Variants in HIVEP2 observed in about 807,000 individuals in gnomAD.
The protein encoded by HIVEP2 is transcription factor HIVEP2.
Under a neutral mutation model 180.7 loss-of-function variants are expected in HIVEP2, and 14 were observed. The observed-to-expected ratio is 0.08, with a 90% CI of 0.05 to 0.12. The LOEUF (loss-of-function observed/expected upper bound fraction) is 0.12, where lower values mean the gene tolerates loss of function less well. Ranked by LOEUF, HIVEP2 falls within the 10% of genes least tolerant of loss-of-function variation. The probability of loss-of-function intolerance (pLI) is 1.00; values close to 1 mark genes in which losing one functional copy is unlikely to be tolerated. For synonymous variants in HIVEP2, 1,184 were observed against 1,136.4 expected (o/e 1.04, Z -0.84); for missense variants, 2,579 against 3,008.5 (o/e 0.86, Z 3.34).
Position 142,906,477 on chromosome 6 carries a change from T to C in HIVEP2, c.-641+38622A>G, listed in dbSNP as rs1777267323. On this transcript the variant is annotated intron_variant, in intron 1 of 9. Transcript: ENST00000367603. ...ACAAATAAAGAAACCTCTTTAATTA[T>C]TATTAAAATGCAAACCAAAACAACA... Among the ~76,000 whole-genome samples the C allele has an allele frequency of 2.0e-5, 3 of 151,984 alleles. No individual in the cohort carries two copies. In the South Asian group the frequency reaches 6.2e-4, roughly 32 times the overall value.
chr6:142,863,088 A>C (rs1187968257), intron 1 of HIVEP2, among the ~76,000 whole-genome samples: 3 of 144,688 alleles, frequency 2.1e-5, no homozygotes, highest in African/African-American at 7.6e-5. Flanking sequence ...TGTAATATAT[A>C]ATTACATATA....
At chr6:142,904,838 A>G (rs1480892552) in intron 1 of HIVEP2, among the ~76,000 whole-genome samples, 2 of 152,138 alleles carry the variant, frequency 1.3e-5, no homozygotes, top group Non-Finnish European at 2.9e-5. Context: ...TACTTGTATC[A>G]GTTCAATTTG....
chr6:142,862,539 CAT>C (rs1171977287), intron 1 of HIVEP2, among the ~76,000 whole-genome samples: 1 of 144,090 alleles, frequency 6.9e-6, no homozygotes, highest in Admixed American at 7.0e-5. Context: ...TTATGTGTAT[CAT>C]ATATTTTATA....
chr6:142,822,407 A>G (rs763466338), intron 2 of HIVEP2, among the ~76,000 whole-genome samples: 1 of 152,216 alleles, frequency 6.6e-6, no homozygotes, highest in African/African-American at 2.4e-5. Context: ...TCTAATATTC[A>G]CCATAATTCG....
At chr6:142,892,975 C>T (rs1411748411) in intron 1 of HIVEP2, among the ~76,000 whole-genome samples, 4 of 152,194 alleles carry the variant, frequency 2.6e-5, no homozygotes, top group East Asian at 1.9e-4. Context: ...AGTTACATGA[C>T]GGATGGGTGC....
At chr6:142,840,159 G>A (rs1305496954) in intron 1 of HIVEP2, among the ~76,000 whole-genome samples, 1 of 152,054 alleles carries the variant, frequency 6.6e-6, no homozygotes, top group Non-Finnish European at 1.5e-5. Context: ...GTGGAGAAGT[G>A]GCCAATTAAA....
chr6:142,789,522 G>C (rs1043018810), intron 2 of HIVEP2, among the ~76,000 whole-genome samples: 2 of 152,126 alleles, frequency 1.3e-5, no homozygotes, highest in African/African-American at 2.4e-5. Flanking sequence ...GCAGTGTTTA[G>C]GGCTATGGAA....
rs1161120524 is a variant in HIVEP2, at chr6:142,908,260, C to G, written c.-641+36839G>C. Among the ~76,000 whole-genome samples, 3 of 152,338 alleles carry G rather than the reference C, an allele frequency of 2.0e-5. No individual in the cohort carries two copies. In the East Asian group the frequency reaches 5.8e-4, roughly 29 times the overall value. Reference sequence around the variant, plus strand: ...CAGCCATATGTGGTGTTCCTACTTTCACTTGTAACATATGTCCATCTTCCA... The same window carrying G: ...CAGCCATATGTGGTGTTCCTACTTTGACTTGTAACATATGTCCATCTTCCA... On this transcript the variant is annotated intron_variant, in intron 1 of 9. Transcript: ENST00000367603.
At chr6:142,846,494 C>G (rs954311854) in intron 1 of HIVEP2, among the ~76,000 whole-genome samples, 1 of 152,168 alleles carries the variant, frequency 6.6e-6, no homozygotes, top group Non-Finnish European at 1.5e-5. Context: ...CATCATTGTT[C>G]CATTGCTACT....
intron 1 of HIVEP2, among the ~76,000 whole-genome samples, chr6:142,866,816 T>C (rs1048916205): frequency 3.9e-5 from 6 of 152,180 alleles, no homozygotes; most frequent in Non-Finnish European, 5.9e-5. Context: ...GCAATGAGCC[T>C]CAGGCCAATG....
intron 2 of HIVEP2, among the ~76,000 whole-genome samples, chr6:142,801,621 A>G (rs1173963351): frequency 2.6e-5 from 4 of 152,052 alleles, no homozygotes; most frequent in Non-Finnish European, 4.4e-5. Flanking sequence ...GTACCCTTGT[A>G]TAAGTCACTT....
At position 142,769,857 on chromosome 6, in the gene HIVEP2, C is replaced by T; in HGVS notation, c.4882G>A (p.Asp1628Asn). The change falls in exon 5 of 10, where the codon GAC becomes AAC. Residue 1628 changes from aspartate to asparagine, a missense_variant. This residue lies in a region of HIVEP2 where 349 missense variants were observed against 367.2 expected (regional missense o/e 0.95). Transcript: ENST00000367603. ...AGAATCTGCTGGAAATCTGCCATGT[C>T]CGTGAGAAGAAGAGTTGAGTCTGCC... ...NVADSTLLLT[D>N]MADFQQILQF... is the part of the protein sequence containing the mutation. 1.2e-6 allele frequency: 2 copies of T among 1,614,166 alleles called. No homozygotes were observed. The highest frequency in any genetic ancestry group is 1.7e-6 in the Non-Finnish European group (2 of 1,180,030).
In HIVEP2 at chr6:142,930,551, T is replaced by C. The variant is rs548831331; in HGVS notation, c.-641+14548A>G. 1.1e-3 allele frequency among the ~76,000 whole-genome samples: 172 copies of C among 152,286 alleles called. 1 individual carries two copies. Among genetic ancestry groups the C allele is most frequent in the Admixed American group, 3.3e-3 (51 of 15,294 alleles). Reference sequence around the variant, plus strand: ...AGACAGTCCCAAGACCTGCAGGTGGTTCCAGGACTATTCATTCACTTCTCT... The same window carrying C: ...AGACAGTCCCAAGACCTGCAGGTGGCTCCAGGACTATTCATTCACTTCTCT... On this transcript the variant is annotated intron_variant, in intron 1 of 9. Coordinates refer to ENST00000367603, the MANE Select transcript of HIVEP2 (RefSeq NM_006734.4).
chr6:142,877,536 A>G (rs1417536906), intron 1 of HIVEP2, among the ~76,000 whole-genome samples: 1 of 152,196 alleles, frequency 6.6e-6, no homozygotes, highest in Non-Finnish European at 1.5e-5. Context: ...TTCCCGCCCT[A>G]AAATGGTTTA....
rs1320190363 is a variant in HIVEP2 at position 142,938,690 on chromosome 6, A to G, written c.-641+6409T>C. On this transcript the variant is annotated intron_variant, in intron 1 of 9. Coordinates refer to ENST00000367603, the MANE Select transcript of HIVEP2 (RefSeq NM_006734.4). The stretch of plus-strand genomic sequence containing the variant: ...CAAATACAAACGAAGGTGTGTCCAC[A>G]TTTACCTACTGCCCTAGTTTCAAAA... Among the ~76,000 whole-genome samples the G allele has an allele frequency of 6.6e-5, 10 of 152,214 alleles. No homozygotes were observed. In the East Asian group the frequency reaches 1.9e-3, roughly 29 times the overall value.
rs1171463794 is a variant in HIVEP2 at position 142,917,022 on chromosome 6, T to G, written c.-641+28077A>C. Among the ~76,000 whole-genome samples, 3 of 152,374 alleles carry G rather than the reference T, an allele frequency of 2.0e-5. No individual in the cohort carries two copies. The East Asian group carries it at 5.8e-4, about 29-fold the overall frequency. On this transcript the variant is annotated intron_variant, in intron 1 of 9. Transcript: ENST00000367603. ...AAATGTGACAGGCTGGTTTACTGTA[T>G]GTTAACTATATTTTAAATGCACTTC...
At chr6:142,808,461 G>A (rs1385356744) in intron 2 of HIVEP2, among the ~76,000 whole-genome samples, 1 of 150,120 alleles carries the variant, frequency 6.7e-6, no homozygotes, top group African/African-American at 2.5e-5. Context: ...GGGATGGAGG[G>A]AAGAGAGAGA....
chr6:142,874,332 G>T (rs988840941), intron 1 of HIVEP2, among the ~76,000 whole-genome samples: 12 of 151,958 alleles, frequency 7.9e-5, no homozygotes, highest in Admixed American at 7.9e-4. Context: ...TCCATTTTTA[G>T]ATTTTTTTTT....
Position 142,772,173 on chromosome 6 carries a change from C to T in HIVEP2, c.2566G>A (p.Gly856Ser), listed in dbSNP as rs1775562766. 1.2e-6 allele frequency: 2 copies of T among 1,614,024 alleles called. No homozygotes were observed. The highest frequency in any genetic ancestry group is 1.7e-5 in the Admixed American group (1 of 60,008). The change falls in exon 5 of 10, where the codon GGT (glycine) becomes AGT (serine). Residue 856 changes from glycine (G) to serine (S), a missense_variant. By Grantham distance (56) the Gly-to-Ser change is moderately conservative. Around this residue, in one of 11 missense-constraint regions of HIVEP2, gnomAD observed 524 missense variants for 563.6 expected, o/e 0.93. Transcript: ENST00000367603. This position sits in a 1 kb window ranked among gnomAD's most constrained non-coding sequence, Gnocchi z 4.9. The part of the protein sequence containing the change: ...VSPEWAPPGD[G>S]AESGGKPSPS... ...GAGGGTTTCCCCCCACTTTCTGCAC[C>T]ATCCCCAGGTGGAGCCCACTCAGGA...
Sources: allele counts gnomAD v4.1 joint callset (sites outside exome capture counted in the v4.1 genomes callset), GRCh38; gene constraint gnomAD v4.1.1; regional missense constraint gnomAD v4.1.1; non-coding constraint Gnocchi (gnomAD v3.1); transcripts MANE v1.5; gene names NCBI Gene and HGNC (gene_info 2026-07-23, HGNC 2026-07-21).